Variants in PREX1 observed in about 807,000 individuals in gnomAD.
PREX1 encodes the protein phosphatidylinositol 3,4,5-trisphosphate-dependent Rac exchanger 1 protein.
PREX1 carries 41 observed loss-of-function variants against 198.3 expected under a neutral mutation model. The ratio of observed to expected loss-of-function variants is 0.21; its 90% CI spans 0.16 to 0.27. The LOEUF (loss-of-function observed/expected upper bound fraction) is 0.27. Ranked by LOEUF, PREX1 falls within the 10% of genes least tolerant of loss-of-function variation. The pLI, the probability that PREX1 is intolerant of heterozygous loss-of-function variation, is 1.00. For synonymous variants in PREX1, 843 were observed against 887.2 expected (o/e 0.95, Z 0.89); for missense variants, 1,620 against 2,200.7 (o/e 0.74, Z 5.28).
At chr20:48,646,326 A>G (rs2089450756) in intron 25 of PREX1, among the ~76,000 whole-genome samples, 1 of 152,232 alleles carries the variant, frequency 6.6e-6, no homozygotes, top group Non-Finnish European at 1.5e-5. Context: ...TTGCAGTGGG[A>G]AAGACCTGGA....
At chr20:48,693,183 A>AGTCC (rs1241528047) in intron 7 of PREX1, among the ~76,000 whole-genome samples, 210 of 123,748 alleles carry the variant, frequency 1.7e-3, no homozygotes, top group African/African-American at 6.9e-3. Context: ...TGGAACTGGC[A>AGTCC]GTCCGTCCAT....
the PREX1 span, among the ~76,000 whole-genome samples, chr20:48,856,297 C>T: frequency 6.6e-6 from 1 of 152,222 alleles, no homozygotes; most frequent in Non-Finnish European, 1.5e-5. Flanking sequence ...TGGGAAATTG[C>T]TCTGAGAGGC....
In PREX1 at chr20:48,679,426, G is replaced by C; in HGVS notation, c.1540-17C>G. On this transcript the variant is annotated splice_polypyrimidine_tract_variant and intron_variant, in intron 12 of 39. Coordinates refer to ENST00000371941, the MANE Select transcript of PREX1 (RefSeq NM_020820.4). Reference sequence around the variant, plus strand: ...CCTCACACCCTGAAAGAAAAAAGGGGAGGAATTCTGGGATCAGGCCACATC... The same window carrying C: ...CCTCACACCCTGAAAGAAAAAAGGGCAGGAATTCTGGGATCAGGCCACATC... The C allele has an allele frequency of 1.2e-6, 2 of 1,611,740 alleles. No homozygotes were observed. Among genetic ancestry groups the C allele is most frequent in the Non-Finnish European group, 1.7e-6 (2 of 1,178,260 alleles).
chr20:48,834,695 G>A, the PREX1 span, among the ~76,000 whole-genome samples: 146 of 152,162 alleles, frequency 9.6e-4, 2 homozygotes, highest in African/African-American at 3.3e-3. Context: ...AAGTAGCTGG[G>A]ACCCCAGGCA....
At chr20:48,728,077 G>T (rs1166250384) in intron 4 of PREX1, among the ~76,000 whole-genome samples, 1 of 152,118 alleles carries the variant, frequency 6.6e-6, no homozygotes, top group Non-Finnish European at 1.5e-5. Flanking sequence ...ACACCACCCT[G>T]GCAAACTGGA....
At chr20:48,729,473 C>A (rs191017180) in intron 4 of PREX1, among the ~76,000 whole-genome samples, 5 of 152,154 alleles carry the variant, frequency 3.3e-5, no homozygotes, top group African/African-American at 9.7e-5. Context: ...TGCTGCCCCC[C>A]CAATGCCCCA....
intron 1 of PREX1, among the ~76,000 whole-genome samples, chr20:48,754,724 C>T (rs1408230284): frequency 1.3e-5 from 2 of 151,172 alleles, no homozygotes; most frequent in Non-Finnish European, 2.9e-5. Flanking sequence ...GGGGGGAGCT[C>T]CAGAACACAG....
At position 48,637,709 on chromosome 20, in the gene PREX1, A is replaced by C; in HGVS notation, c.3946+2T>G. 1 of 1,610,440 alleles carries C rather than the reference A, an allele frequency of 6.2e-7. No homozygotes were observed. Among genetic ancestry groups the C allele is most frequent in the Non-Finnish European group, 8.5e-7 (1 of 1,178,648 alleles). On this transcript the variant is annotated splice_donor_variant, in intron 31 of 39. Coordinates refer to ENST00000371941, the MANE Select transcript of PREX1 (RefSeq NM_020820.4). LOFTEE classifies it high-confidence loss of function. Reference sequence around the variant, plus strand: ...CCCCCCACACACCTTTAAAGGCCTCACCTGTGCACTTCAGCAAGGCCAGGA... The same window carrying C: ...CCCCCCACACACCTTTAAAGGCCTCCCCTGTGCACTTCAGCAAGGCCAGGA...
intron 20 of PREX1, 54 bp from the exon 21 acceptor site, chr20:48,652,760 G>A: frequency 6.3e-7 from 1 of 1,575,316 alleles, no homozygotes; most frequent in South Asian, 1.2e-5. Flanking sequence ...TAGGGAGGAG[G>A]GGACAGGGCC....
At chr20:48,724,124 C>G (rs1355415293) in intron 5 of PREX1, among the ~76,000 whole-genome samples, 2 of 152,208 alleles carry the variant, frequency 1.3e-5, no homozygotes, top group Non-Finnish European at 2.9e-5. Flanking sequence ...GGCAGTTTAA[C>G]TCCCCAAAAT....
In PREX1 at chr20:48,798,837, T is replaced by G. The variant is rs536809086; in HGVS notation, c.219+28805A>C. On this transcript the variant is annotated intron_variant, in intron 1 of 39. Coordinates refer to ENST00000371941, the MANE Select transcript of PREX1 (RefSeq NM_020820.4). Reference sequence around the variant, plus strand: ...GTGTATCTGACCCTCCTGCTGGGATTAAATTGGAATCGCTTCAGATCTATG... The same window carrying G: ...GTGTATCTGACCCTCCTGCTGGGATGAAATTGGAATCGCTTCAGATCTATG... 2.0e-5 allele frequency among the ~76,000 whole-genome samples: 3 copies of G among 152,340 alleles called. No homozygotes were observed. In the South Asian group the frequency reaches 6.2e-4, roughly 32 times the overall value.
At chr20:48,801,510 T>C (rs950573175) in intron 1 of PREX1, among the ~76,000 whole-genome samples, 1 of 152,118 alleles carries the variant, frequency 6.6e-6, no homozygotes, top group Non-Finnish European at 1.5e-5. Flanking sequence ...CATCCTCCAG[T>C]AGGTAAGGGC....
chr20:48,721,587 T>C (rs906743611), intron 5 of PREX1, among the ~76,000 whole-genome samples: 2 of 152,114 alleles, frequency 1.3e-5, no homozygotes, highest in Non-Finnish European at 2.9e-5. Flanking sequence ...GAGAGGAACA[T>C]GGGTGAGATC....
At chr20:48,863,586 C>CTTTTTTTTTTTTT in the PREX1 span, among the ~76,000 whole-genome samples, 7 of 104,350 alleles carry the variant, frequency 6.7e-5, no homozygotes, top group Non-Finnish European at 1.2e-4. Flanking sequence ...TTCATATTGT[C>CTTTTTTTTTTTTT]TTTTTTTTTT....
Position 48,625,256 on chromosome 20 carries a change from G to A in PREX1, c.*629C>T, listed in dbSNP as rs950743577. 6.6e-6 allele frequency: 1 copy of A among 152,454 alleles called. No homozygotes were observed. The highest frequency in any genetic ancestry group is 1.5e-5 in the Non-Finnish European group (1 of 68,034). The allele number at this position is 152,454 out of a possible 1,614,324, so 9.4% of individuals were successfully genotyped here. On this transcript the variant is annotated 3_prime_UTR_variant, in exon 40 of 40. Coordinates refer to ENST00000371941, the MANE Select transcript of PREX1 (RefSeq NM_020820.4). ...ATTTCATGCCATATAAATAAAGTCA[G>A]AGCAAATCTCGTGCCCAGGGCTGGT...
chr20:48,659,044 C>G (rs2089568090), intron 16 of PREX1, among the ~76,000 whole-genome samples: 1 of 151,346 alleles, frequency 6.6e-6, no homozygotes, highest in Admixed American at 6.6e-5. Context: ...GCCTGGGCAA[C>G]ATAGCAAAAC....
intron 31 of PREX1, 146 bp from the exon 32 acceptor site, chr20:48,636,829 T>C: frequency 1.4e-6 from 1 of 697,102 alleles, no homozygotes; most frequent in Non-Finnish European, 2.3e-6. Context: ...TTGGTGGACA[T>C]CCCAGCCACC....
At chr20:48,812,594 T>C (rs184682184) in intron 1 of PREX1, among the ~76,000 whole-genome samples, 52 of 152,246 alleles carry the variant, frequency 3.4e-4, no homozygotes, top group African/African-American at 1.1e-3. Context: ...AGCTAATATA[T>C]ATGGAATGCT....
In PREX1 at chr20:48,627,905, G is replaced by A; in HGVS notation, c.4825C>T (p.Leu1609=). ...AAILARSHGL[L]PKCIMQATDI... The stretch of plus-strand genomic sequence containing the variant: ...GTGGCCTGCATGATGCACTTGGGCA[G>A]CAACCCGTGGCTCCGTGCCAAGATG... Residue 1609 remains leucine (L), a synonymous_variant, in exon 38 of 40, where the codon CTG becomes TTG. Transcript: ENST00000371941. 1 of 1,612,518 alleles carries A rather than the reference G, an allele frequency of 6.2e-7. No individual in the cohort carries two copies.
Sources: gnomAD v4.1 joint callset for allele counts (sites outside exome capture counted in the v4.1 genomes callset) on GRCh38, gnomAD v4.1.1 for gene constraint, MANE v1.5 for transcripts, NCBI Gene and HGNC (gene_info 2026-07-23, HGNC 2026-07-21) for gene names.